The following ZNF257 variants were observed in gnomAD, a reference collection of about 807,000 sequenced individuals.
ZNF257 encodes zinc finger protein 257.
A neutral mutation model predicts 11.9 loss-of-function variants in ZNF257; 12 were observed. The observed-to-expected ratio is 1.01, with a 90% confidence interval of 0.65 to 1.63. The LOEUF (loss-of-function observed/expected upper bound fraction) is 1.63. Among genes scored for constraint, ZNF257 ranks in the 40% most tolerant of loss-of-function variants. The probability of loss-of-function intolerance (pLI) is 0.00; values close to 1 mark genes in which losing one functional copy is unlikely to be tolerated. For missense variants in ZNF257, 580 were observed against 665.5 expected (o/e 0.87, Z 1.41); for synonymous variants, 183 against 222.7 (o/e 0.82, Z 1.59).
intron 3 of ZNF257, among the ~76,000 whole-genome samples, chr19:22,076,420 CTAGTT>C (rs1380264255): frequency 6.6e-6 from 1 of 151,692 alleles, no homozygotes; most frequent in Non-Finnish European, 1.5e-5. Context: ...AAAATTATCT[CTAGTT>C]TATTTTAAAT....
chr19:22,088,252 A>C lies in ZNF257; in HGVS notation c.502A>C (p.Thr168Pro). 6.2e-7 allele frequency: 1 copy of C among 1,613,140 alleles called. No individual in the cohort carries two copies. Among genetic ancestry groups the C allele is most frequent in the Non-Finnish European group, 8.5e-7 (1 of 1,179,556 alleles). The change falls in exon 4 of 4, where the codon ACT becomes CCT. Residue 168 changes from threonine to proline, a missense_variant. By Grantham distance (38) the Thr-to-Pro change is conservative. Transcript: ENST00000594947. ...TTCAGATAGACATAAGATAAGACAT[A>C]CTGAAAAGAAAACTTGCAAATGTAA... ...SNSDRHKIRH[T>P]EKKTCKCKEC... is the part of the protein sequence containing the mutation.
intron 2 of ZNF257, 69 bp downstream of exon 2, chr19:22,073,004 T>G: frequency 7.0e-7 from 1 of 1,425,922 alleles, no homozygotes; most frequent in East Asian, 2.6e-5. Flanking sequence ...ATTTTTTTTT[T>G]TGTAGAATGT....
intron 3 of ZNF257, among the ~76,000 whole-genome samples, chr19:22,084,551 T>A (rs1338826406): frequency 6.6e-6 from 1 of 152,128 alleles, no homozygotes; most frequent in Admixed American, 6.5e-5. Context: ...AAACATTGCA[T>A]TAAATCTGTA....
In ZNF257 at chr19:22,088,094, A is replaced by G. The variant is rs1196727230; in HGVS notation, c.344A>G (p.Lys115Arg). Residue 115 changes from lysine (K) to arginine (R), a missense_variant, in exon 4 of 4, where the codon AAG (lysine) becomes AGG (arginine). By Grantham distance (26) the Lys-to-Arg change is conservative (BLOSUM62 2). Coordinates refer to ENST00000594947, the MANE Select transcript of ZNF257 (RefSeq NM_033468.4). ...GAACATGAGAATTTACAATTAAGAA[A>G]GGGCTGTAAAAGTGTGGATGAGTGT... is the stretch of plus-strand genomic sequence containing the variant. The part of the protein sequence containing the change: ...KCEHENLQLR[K>R]GCKSVDECKV... The G allele has an allele frequency of 6.2e-7, 1 of 1,608,520 alleles. No homozygotes were observed. The highest frequency in any genetic ancestry group is 1.1e-5 in the South Asian group (1 of 90,446).
intron 3 of ZNF257, among the ~76,000 whole-genome samples, chr19:22,079,085 G>A (rs1041581456): frequency 1.9e-4 from 29 of 152,124 alleles, no homozygotes; most frequent in Admixed American, 1.5e-3. Context: ...AGCCACCACC[G>A]CACCTGGCTG....
intron 3 of ZNF257, among the ~76,000 whole-genome samples, chr19:22,078,438 G>A (rs2022282343): frequency 6.6e-6 from 1 of 151,784 alleles, no homozygotes; most frequent in Non-Finnish European, 1.5e-5. Flanking sequence ...CAACTGTATT[G>A]TTTAGTTTTA....
chr19:22,070,380 G>A (rs943890809), intron 1 of ZNF257, among the ~76,000 whole-genome samples: 9 of 151,460 alleles, frequency 5.9e-5, no homozygotes, highest in Non-Finnish European at 8.8e-5. Flanking sequence ...TTAAAATGCT[G>A]TGCCCTTTAT....
chr19:22,087,443 G>A, intron 3 of ZNF257: 1 of 510,388 alleles, frequency 2.0e-6, no homozygotes, highest in East Asian at 3.5e-5. Context: ...ACCTGTCTGT[G>A]GTACTGCAGT....
intron 1 of ZNF257, among the ~76,000 whole-genome samples, chr19:22,059,751 C>T (rs1224891826): frequency 6.7e-6 from 1 of 149,332 alleles, no homozygotes; most frequent in African/African-American, 2.5e-5. Flanking sequence ...AAGAAAGGGT[C>T]TTACTCTTTC....
chr19:22,084,736 G>GTTT (rs55702537), intron 3 of ZNF257, among the ~76,000 whole-genome samples: 2 of 139,756 alleles, frequency 1.4e-5, no homozygotes, highest in African/African-American at 2.6e-5. Flanking sequence ...AAATTTTAGG[G>GTTT]TTTTTTTTTT....
intron 1 of ZNF257, among the ~76,000 whole-genome samples, chr19:22,063,613 C>G (rs1031514567): frequency 6.6e-6 from 1 of 151,948 alleles, no homozygotes; most frequent in Non-Finnish European, 1.5e-5. Context: ...CATTATTTGC[C>G]CAAAAGTCAT....
chr19:22,067,632 C>A (rs950911969), intron 1 of ZNF257, among the ~76,000 whole-genome samples: 4 of 151,922 alleles, frequency 2.6e-5, no homozygotes, highest in African/African-American at 9.7e-5. Flanking sequence ...GTCAGGAGTT[C>A]AAGACCAGCC....
chr19:22,067,525 A>G (rs2021984839), intron 1 of ZNF257, among the ~76,000 whole-genome samples: 1 of 152,216 alleles, frequency 6.6e-6, no homozygotes, highest in African/African-American at 2.4e-5. Flanking sequence ...TTAGTTGTCA[A>G]ACACAGAGAG....
rs951786284 is a variant in ZNF257, at chr19:22,089,139, G to T, written c.1389G>T (p.Glu463Asp). The stretch of plus-strand genomic sequence containing the variant: ...GAGAGAAACCCTACAAATGTGAAGA[G>T]TGTGGCAAAGCCTTTAACCAGTCTT... The part of the protein sequence containing the change: ...HTGEKPYKCE[E>D]CGKAFNQSSH... The change falls in exon 4 of 4, where the codon GAG becomes GAT. Residue 463 changes from glutamate (E) to aspartate (D), a missense_variant. By Grantham distance (45) the Glu-to-Asp change is conservative (BLOSUM62 2). Transcript: ENST00000594947. The T allele has an allele frequency of 6.2e-7, 1 of 1,600,516 alleles. No homozygotes were observed. Among genetic ancestry groups the T allele is most frequent in the Non-Finnish European group, 8.5e-7 (1 of 1,174,730 alleles).
At chr19:22,083,966 C>T (rs888271621) in intron 3 of ZNF257, among the ~76,000 whole-genome samples, 1 of 151,942 alleles carries the variant, frequency 6.6e-6, no homozygotes, top group East Asian at 1.9e-4. Context: ...ATGGTGAAAC[C>T]CCGTCTCAAC....
At position 22,088,597 on chromosome 19, in the gene ZNF257, A is replaced by G. The variant is rs1171589021; in HGVS notation, c.847A>G (p.Lys283Glu). The change falls in exon 4 of 4, where the codon AAG becomes GAG. Residue 283 changes from lysine (K) to glutamate (E), a missense_variant. Coordinates refer to ENST00000594947, the MANE Select transcript of ZNF257 (RefSeq NM_033468.4). The stretch of plus-strand genomic sequence containing the variant: ...ACATAAGAGAATTCATAATAGAGAG[A>G]AGCCCTTCAAATATGATGAATGTTG... ...TQHKRIHNRE[K>E]PFKYDECCKA... is the part of the protein sequence containing the mutation. 6.2e-7 allele frequency: 1 copy of G among 1,613,342 alleles called. No individual in the cohort carries two copies. The highest frequency in any genetic ancestry group is 1.3e-5 in the African/African-American group (1 of 74,696).
At position 22,052,580 on chromosome 19, in the gene ZNF257, C is replaced by G. The variant is rs762402464; in HGVS notation, c.-53C>G. The G allele has an allele frequency of 9.4e-6, 15 of 1,597,594 alleles. No individual in the cohort carries two copies. In the East Asian group the frequency reaches 3.4e-4, roughly 36 times the overall value. ...CCAGCCTCTGTGGCCCTGTGACCTG[C>G]AGGTATTGGGAGATCCCCAGCTAAG... On this transcript the variant is annotated 5_prime_UTR_variant, in exon 1 of 4. Coordinates refer to ENST00000594947, the MANE Select transcript of ZNF257 (RefSeq NM_033468.4).
chr19:22,072,525 T>C (rs2022127703), intron 1 of ZNF257, among the ~76,000 whole-genome samples: 1 of 152,148 alleles, frequency 6.6e-6, no homozygotes, highest in African/African-American at 2.4e-5. Flanking sequence ...AAACAGACTT[T>C]CTATAAGTCA....
Position 22,076,984 on chromosome 19 carries a change from G to C in ZNF257, c.226+3420G>C, listed in dbSNP as rs75321242. ...ATTATAGGTATGAGCCACCGCACCTGTCCTAAAATTTACCATCTTTAATCT... is the reference window on the plus strand; with the variant it reads ...ATTATAGGTATGAGCCACCGCACCTCTCCTAAAATTTACCATCTTTAATCT... On this transcript the variant is annotated intron_variant, in intron 3 of 3. Transcript: ENST00000594947. Among the ~76,000 whole-genome samples, 1,065 of 152,196 alleles carry C rather than the reference G, an allele frequency of 7.0e-3. 15 individuals are homozygous for C. The highest frequency in any genetic ancestry group is 0.024 in the African/African-American group (983 of 41,514).
Sources: gnomAD v4.1 joint callset for allele counts (sites outside exome capture counted in the v4.1 genomes callset) on GRCh38, gnomAD v4.1.1 for gene constraint, MANE v1.5 for transcripts, NCBI Gene and HGNC (gene_info 2026-07-23, HGNC 2026-07-21) for gene names.